PCDHGB3: variants seen among roughly 807,000 people sequenced by gnomAD.
The protein encoded by PCDHGB3 is protocadherin gamma-B3.
A neutral mutation model predicts 59.2 loss-of-function variants in PCDHGB3; 40 were observed. The observed-to-expected ratio is 0.68, with a 90% CI of 0.52 to 0.88. PCDHGB3 has a LOEUF of 0.88. PCDHGB3 is among the 40% of genes least tolerant of loss of function. The pLI is 0.00. For missense variants in PCDHGB3, 1,309 were observed against 1,187.9 expected, an observed-to-expected ratio of 1.10 and a Z score of -1.50; for synonymous variants, 581 against 503.6, an observed-to-expected ratio of 1.15 and a Z score of -2.06.
Position 141,432,058 on chromosome 5 carries a change from C to T in PCDHGB3, c.2415+59249C>T, listed in dbSNP as rs2097444209. On this transcript the variant is annotated intron_variant, in intron 1 of 3. Coordinates refer to ENST00000576222, the MANE Select transcript of PCDHGB3 (RefSeq NM_018924.5). The surrounding 1 kb of genome is among the most constrained non-coding windows in gnomAD (Gnocchi z 6.0). ...CTGACCGGGGAACCCCGCCCCTATC[C>T]ACGGAAACTCATATCTCGCTGAACG... 1 of 1,614,210 alleles carries T rather than the reference C, an allele frequency of 6.2e-7. No individual in the cohort carries two copies.
chr5:141,409,833 C>G (rs973436075), intron 1 of PCDHGB3: 2 of 1,611,368 alleles, frequency 1.2e-6, no homozygotes, highest in Non-Finnish European at 1.7e-6. Context: ...ACGCTCAGCG[C>G]CAACGTGAGC....
intron 1 of PCDHGB3, among the ~76,000 whole-genome samples, chr5:141,438,641 C>T (rs1285585706): frequency 0.044 from 3,509 of 79,018 alleles, 123 homozygotes; most frequent in Non-Finnish European, 0.061. Flanking sequence ...TATATACACA[C>T]ACACACACAC....
chr5:141,415,270 G>A (rs1044469814), intron 1 of PCDHGB3: 1 of 1,614,118 alleles, frequency 6.2e-7, no homozygotes, highest in Non-Finnish European at 8.5e-7. Flanking sequence ...GTACCTGGTG[G>A]TAGCGGTGGC....
chr5:141,482,967 AGCAGCTACTT>A (rs2099575323), intron 1 of PCDHGB3, among the ~76,000 whole-genome samples: 1 of 58,122 alleles, frequency 1.7e-5, no homozygotes, highest in African/African-American at 2.6e-4. Flanking sequence ...CAGCTACTTG[AGCAGCTACTT>A]GAGAGGTCGA....
intron 2 of PCDHGB3, among the ~76,000 whole-genome samples, chr5:141,504,750 A>C (rs921495017): frequency 6.6e-6 from 1 of 151,894 alleles, no homozygotes; most frequent in Admixed American, 6.5e-5. Context: ...ATTGAATTTT[A>C]GAAATTTCTT....
At chr5:141,403,786 A>G (rs1317253233) in intron 1 of PCDHGB3, 1 of 1,613,848 alleles carries the variant, frequency 6.2e-7, no homozygotes, top group African/African-American at 1.3e-5. Flanking sequence ...GAAAAGTGGC[A>G]TACAAATTCT....
chr5:141,376,530 G>C (rs200613052), intron 1 of PCDHGB3: 3 of 1,613,550 alleles, frequency 1.9e-6, no homozygotes, highest in African/African-American at 1.3e-5. Context: ...CCGCCTAAGC[G>C]GGAAGAGTAA....
Position 141,378,904 on chromosome 5 carries a change from T to C in PCDHGB3, c.2415+6095T>C, listed in dbSNP as rs947498432. 2.0e-5 allele frequency: 3 copies of C among 152,224 alleles called. 1 individual carries two copies. Among genetic ancestry groups the C allele is most frequent in the Non-Finnish European group, 4.4e-5 (3 of 68,030 alleles). 9.4% of individuals were successfully genotyped at this position (152,224 alleles called of 1,614,324 possible). A position where few individuals can be genotyped will look rare whatever the true frequency, so the allele number is the denominator to read the frequency against. ...ACTAAGGAGATAGGAGATTCTGTTA[T>C]CGACAGTCTTCAAAAGTAAGTTGAT... On this transcript the variant is annotated intron_variant, in intron 1 of 3. Transcript: ENST00000576222.
In PCDHGB3 at chr5:141,487,883, G is replaced by A; in HGVS notation, c.2416-6924G>A. ...GGTGATCAAGAGCCAGGCTGTTGTG[G>A]AAGCATGATGATGGAATGTGGGAGC... is the stretch of plus-strand genomic sequence containing the variant. On this transcript the variant is annotated intron_variant, in intron 1 of 3. Transcript: ENST00000576222. This position sits in a 1 kb window ranked among gnomAD's most constrained non-coding sequence, Gnocchi z 5.0. The A allele has an allele frequency of 1.3e-6, 1 of 766,586 alleles. No homozygotes were observed. The highest frequency in any genetic ancestry group is 1.8e-5 in the South Asian group (1 of 55,094). 47.5% of individuals were successfully genotyped at this position (766,586 alleles called of 1,614,324 possible).
chr5:141,417,861 T>A, intron 1 of PCDHGB3: 3 of 1,549,554 alleles, frequency 1.9e-6, no homozygotes, highest in Non-Finnish European at 2.6e-6. Context: ...GAGCGAACGA[T>A]GGGAGGGAGC....
At position 141,511,373 on chromosome 5, in the gene PCDHGB3, G is replaced by C. The variant is rs1361376059; in HGVS notation, c.*200G>C. 16 of 1,251,214 alleles carry C rather than the reference G, an allele frequency of 1.3e-5. No homozygotes were observed. Among genetic ancestry groups the C allele is most frequent in the Non-Finnish European group, 1.4e-5 (13 of 925,282 alleles). The allele number at this position is 1,251,214 out of a possible 1,614,324, so 77.5% of individuals were successfully genotyped here. A position where few individuals can be genotyped will look rare whatever the true frequency, so the allele number is the denominator to read the frequency against. ...CCCCCAGGGGGTTGAATATGCAAAAGCAGTTCCGCTGGGAACCCCCATCCA... is the reference window on the plus strand; with the variant it reads ...CCCCCAGGGGGTTGAATATGCAAAACCAGTTCCGCTGGGAACCCCCATCCA... On this transcript the variant is annotated 3_prime_UTR_variant, in exon 4 of 4. Transcript: ENST00000576222.
chr5:141,490,346 T>A lies in PCDHGB3; in HGVS notation c.2416-4461T>A. On this transcript the variant is annotated intron_variant, in intron 1 of 3. Coordinates refer to ENST00000576222, the MANE Select transcript of PCDHGB3 (RefSeq NM_018924.5). This position sits in a 1 kb window ranked among gnomAD's most constrained non-coding sequence, Gnocchi z 5.4. ...GAGAGCACACCAGTGGGCACAGTAG[T>A]GGGGTTGTTTAATGTGCGAGACCGG... The A allele has an allele frequency of 6.2e-7, 1 of 1,614,164 alleles. No individual in the cohort carries two copies. The highest frequency in any genetic ancestry group is 8.5e-7 in the Non-Finnish European group (1 of 1,180,020).
chr5:141,475,984 G>A, intron 1 of PCDHGB3: 2 of 1,069,308 alleles, frequency 1.9e-6, no homozygotes, highest in Non-Finnish European at 2.7e-6. Flanking sequence ...AACAGCCGGC[G>A]AGCAAATCAA....
At chr5:141,419,962 G>A in intron 1 of PCDHGB3, 1 of 1,614,092 alleles carries the variant, frequency 6.2e-7, no homozygotes, top group African/African-American at 1.3e-5. Context: ...TGATTTCTGT[G>A]CTCTTTCTCC....
At chr5:141,433,070 CCCCAG>C in intron 1 of PCDHGB3, 1 of 1,614,174 alleles carries the variant, frequency 6.2e-7, no homozygotes, top group Non-Finnish European at 8.5e-7. Context: ...CCTGATCTTC[CCCCAG>C]CCCAACTATG....
intron 1 of PCDHGB3, chr5:141,388,888 T>C: frequency 6.2e-7 from 1 of 1,613,774 alleles, no homozygotes; most frequent in Non-Finnish European, 8.5e-7. Flanking sequence ...GAGGTAGAAG[T>C]CATAGATGAA....
At chr5:141,443,760 T>C (rs894568340) in intron 1 of PCDHGB3, among the ~76,000 whole-genome samples, 20 of 152,040 alleles carry the variant, frequency 1.3e-4, no homozygotes, top group African/African-American at 4.6e-4. Context: ...AAGCTTACAA[T>C]ATACAATATT....
intron 1 of PCDHGB3, chr5:141,392,917 T>C: frequency 2.5e-6 from 4 of 1,613,922 alleles, no homozygotes; most frequent in Non-Finnish European, 3.4e-6. Context: ...CGCTACTCTG[T>C]GCCAGAAGAG....
chr5:141,426,722 T>G (rs1022367359), intron 1 of PCDHGB3: 1 of 447,734 alleles, frequency 2.2e-6, no homozygotes, highest in Non-Finnish European at 4.6e-6. Context: ...AACTAGCAAT[T>G]CCAGGCATTC....
Sources: gnomAD v4.1 joint callset for allele counts (sites outside exome capture counted in the v4.1 genomes callset) on GRCh38, gnomAD v4.1.1 for gene constraint, Gnocchi (gnomAD v3.1) non-coding constraint, MANE v1.5 for transcripts, NCBI Gene and HGNC (gene_info 2026-07-23, HGNC 2026-07-21) for gene names.